CLINT1: variants seen among roughly 807,000 people sequenced by gnomAD.
CLINT1 encodes clathrin interacting protein localized in the trans-Golgi region.
A neutral mutation model predicts 70.4 loss-of-function variants in CLINT1; 15 were observed. The ratio of observed to expected loss-of-function variants is 0.21; its 90% CI spans 0.14 to 0.33. The LOEUF (loss-of-function observed/expected upper bound fraction) is 0.33. Among genes scored for constraint, CLINT1 ranks in the 10% least tolerant of loss-of-function variants. The pLI is 1.00. For synonymous variants in CLINT1, 227 were observed against 254.7 expected (o/e 0.89, Z 1.04); for missense variants, 615 against 778.1 (o/e 0.79, Z 2.49).
intron 8 of CLINT1, among the ~76,000 whole-genome samples, chr5:157,799,948 T>C (rs1371550010): frequency 1.3e-5 from 2 of 152,164 alleles, no homozygotes; most frequent in African/African-American, 4.8e-5. Context: ...TATAGTATTG[T>C]ATATGGGACC....
At chr5:157,853,353 GA>G (rs35358618) in intron 1 of CLINT1, among the ~76,000 whole-genome samples, 20,260 of 129,616 alleles carry the variant, frequency 0.16, 1,797 homozygotes, top group African/African-American at 0.28. Flanking sequence ...AAGAAAGAAA[GA>G]AAAAAAAAAA....
intron 1 of CLINT1, among the ~76,000 whole-genome samples, chr5:157,828,041 T>C (rs567545411): frequency 1.3e-5 from 2 of 152,328 alleles, no homozygotes; most frequent in African/African-American, 2.4e-5. Context: ...CTATGTATTA[T>C]TATCATTATG....
intron 7 of CLINT1, among the ~76,000 whole-genome samples, chr5:157,805,445 T>TAAG (rs1762356677): frequency 6.6e-6 from 1 of 152,234 alleles, no homozygotes; most frequent in East Asian, 1.9e-4. Flanking sequence ...CCTCCCTTTA[T>TAAG]AGGCAACGTT....
At chr5:157,802,041 C>T (rs1451729182) in intron 8 of CLINT1, among the ~76,000 whole-genome samples, 1 of 151,914 alleles carries the variant, frequency 6.6e-6, no homozygotes. Context: ...ATTAAAGGTG[C>T]CCATCACCAC....
chr5:157,794,673 T>C (rs1040780132), intron 9 of CLINT1, among the ~76,000 whole-genome samples: 7 of 152,214 alleles, frequency 4.6e-5, no homozygotes, highest in African/African-American at 1.7e-4. Context: ...CCTATGAATA[T>C]GGGCAATTTT....
intron 1 of CLINT1, among the ~76,000 whole-genome samples, chr5:157,836,103 T>C (rs1763413202): frequency 6.6e-6 from 1 of 152,206 alleles, no homozygotes; most frequent in South Asian, 2.1e-4. Context: ...ACAGAAGAAC[T>C]GTACAAAGCC....
rs761934597 is a variant in CLINT1, at chr5:157,803,749, C to T, written c.943-30G>A. 43 of 1,489,158 alleles carry T rather than the reference C, an allele frequency of 2.9e-5. 1 individual carries two copies. Among genetic ancestry groups the T allele is most frequent in the Middle Eastern group, 1.8e-4 (1 of 5,538 alleles). 92.2% of individuals were successfully genotyped at this position (1,489,158 alleles called of 1,614,324 possible). On this transcript the variant is annotated intron_variant, in intron 7 of 11. Coordinates refer to ENST00000411809, the MANE Select transcript of CLINT1 (RefSeq NM_014666.4). ...AAACACACACATAACTCAGGAGCTT[C>T]GAAAAGTTTGTTTTTCTAAAAATCA...
intron 8 of CLINT1, among the ~76,000 whole-genome samples, chr5:157,798,646 G>A (rs980849360): frequency 6.6e-6 from 1 of 151,916 alleles, no homozygotes; most frequent in Non-Finnish European, 1.5e-5. Flanking sequence ...ATATCAATAA[G>A]GATGAATACT....
intron 1 of CLINT1, 69 bp downstream of exon 1, chr5:157,858,861 G>A: frequency 7.1e-7 from 1 of 1,408,182 alleles, no homozygotes; most frequent in African/African-American, 1.4e-5. Flanking sequence ...CCTAGCCCAA[G>A]GCCAGCTCCT....
chr5:157,825,009 AGGGAGGAAACTGAT>A (rs1489132200), intron 1 of CLINT1, among the ~76,000 whole-genome samples: 1 of 152,162 alleles, frequency 6.6e-6, no homozygotes, highest in Non-Finnish European at 1.5e-5. Flanking sequence ...TCTAACTGAA[AGGGAGGAAACTGAT>A]GTCTCTCCTC....
chr5:157,826,454 A>T (rs190003296), intron 1 of CLINT1, among the ~76,000 whole-genome samples: 8 of 152,194 alleles, frequency 5.3e-5, no homozygotes. Context: ...TCTGTCCATG[A>T]ATTATCATTT....
intron 1 of CLINT1, among the ~76,000 whole-genome samples, chr5:157,848,738 C>T (rs548041986): frequency 1.7e-4 from 26 of 152,166 alleles, no homozygotes; most frequent in Non-Finnish European, 2.8e-4. Flanking sequence ...CTTGGCTCAC[C>T]GCAACCTCTG....
chr5:157,817,609 A>G, intron 1 of CLINT1, 62 bp from the exon 2 acceptor site: 2 of 1,094,028 alleles, frequency 1.8e-6, no homozygotes, highest in Non-Finnish European at 2.7e-6. Flanking sequence ...TGAGAAACAC[A>G]TGAAAACTTA....
intron 8 of CLINT1, among the ~76,000 whole-genome samples, chr5:157,798,514 C>T (rs1039749501): frequency 6.6e-6 from 1 of 152,032 alleles, no homozygotes; most frequent in African/African-American, 2.4e-5. Flanking sequence ...AAAATTTAAT[C>T]TAGATTACAT....
intron 1 of CLINT1, among the ~76,000 whole-genome samples, chr5:157,857,059 GT>G (rs1392701300): frequency 6.6e-6 from 1 of 151,994 alleles, no homozygotes; most frequent in Non-Finnish European, 1.5e-5. Flanking sequence ...TTTCTTAATG[GT>G]TTTATTCTTC....
At chr5:157,822,065 G>A (rs114557152) in intron 1 of CLINT1, among the ~76,000 whole-genome samples, 8,921 of 152,132 alleles carry the variant, frequency 0.059, 381 homozygotes, top group Admixed American at 0.11. Flanking sequence ...GTTTGGCTGT[G>A]TCCCCACCCA....
At chr5:157,820,973 A>G (rs927438748) in intron 1 of CLINT1, among the ~76,000 whole-genome samples, 7 of 152,220 alleles carry the variant, frequency 4.6e-5, no homozygotes, top group Non-Finnish European at 8.8e-5. Context: ...TTAAACTAAC[A>G]CTACAGTCAA....
chr5:157,794,260 T>C (rs1762002846), intron 9 of CLINT1, among the ~76,000 whole-genome samples: 2 of 151,906 alleles, frequency 1.3e-5, no homozygotes, highest in Non-Finnish European at 2.9e-5. Context: ...ACAGCTACCA[T>C]ATGGCAGGGG....
chr5:157,844,653 T>G (rs1753308218), intron 1 of CLINT1, among the ~76,000 whole-genome samples: 1 of 152,172 alleles, frequency 6.6e-6, no homozygotes, highest in Non-Finnish European at 1.5e-5. Context: ...TTATTCCAAA[T>G]TATCCACACT....
Sources: gnomAD v4.1 joint callset for allele counts (sites outside exome capture counted in the v4.1 genomes callset) on GRCh38, gnomAD v4.1.1 for gene constraint, MANE v1.5 for transcripts, NCBI Gene and HGNC (gene_info 2026-07-23, HGNC 2026-07-21) for gene names.